The following CCNL2 variants were observed in gnomAD, a reference collection of about 807,000 sequenced individuals.
The protein encoded by CCNL2 is cyclin L2.
Under a neutral mutation model 59.1 loss-of-function variants are expected in CCNL2, and 28 were observed. The observed-to-expected ratio is 0.47, with a 90% CI of 0.35 to 0.65. The LOEUF is 0.65. CCNL2 is among the 30% of genes least tolerant of loss of function. CCNL2 has a pLI of 0.00. For synonymous variants in CCNL2, 342 were observed against 288.6 expected, an observed-to-expected ratio of 1.19 and a Z score of -1.88; for missense variants, 714 against 717.4, an observed-to-expected ratio of 1.00 and a Z score of 0.05.
At chr1:1,388,618 C>G in intron 8 of CCNL2, 1 of 413,784 alleles carries the variant, frequency 2.4e-6, no homozygotes, top group Non-Finnish European at 4.8e-6. Context: ...CACTCACACA[C>G]AAATTACCTG....
chr1:1,397,763 G>A (rs1319780419), intron 3 of CCNL2, among the ~76,000 whole-genome samples: 1 of 152,174 alleles, frequency 6.6e-6, no homozygotes, highest in Non-Finnish European at 1.5e-5. Flanking sequence ...TACTCAGGAG[G>A]CTGAGGCAGG....
rs200276576 is a variant in CCNL2 at position 1,387,374 on chromosome 1, G to A, written c.1420C>T (p.Arg474Trp). The change falls in exon 11 of 11, where the codon CGG (arginine) becomes TGG (tryptophan). Residue 474 changes from arginine (R) to tryptophan (W), a missense_variant. Arg to Trp is a moderately radical substitution (Grantham distance 101). Transcript: ENST00000400809. ...TTTCCCGGATTATCCGCCCGCTCCC[G>A]TGACCTGCTTCGAGAACGGGAAGAA... ...RSSSRSRSRS[R>W]ERADNPGKYK... 83 of 1,614,060 alleles carry A rather than the reference G, an allele frequency of 5.1e-5. No individual in the cohort carries two copies. The highest frequency in any genetic ancestry group is 3.3e-4 in the Middle Eastern group (2 of 6,082).
At position 1,398,395 on chromosome 1, in the gene CCNL2, T is replaced by G. The variant is rs1570028110; in HGVS notation, c.364-53A>C. On this transcript the variant is annotated intron_variant, in intron 2 of 10. Transcript: ENST00000400809. Reference sequence around the variant, plus strand: ...ATGTTTGTCCCCAGCCACGGCGTCCTGACGGCCGCCAAAGGCTTGAGGGCT... The same window carrying G: ...ATGTTTGTCCCCAGCCACGGCGTCCGGACGGCCGCCAAAGGCTTGAGGGCT... The G allele has an allele frequency of 2.5e-6, 4 of 1,611,666 alleles. No individual in the cohort carries two copies. The South Asian group carries it at 4.4e-5, about 18-fold the overall frequency.
intron 10 of CCNL2, 65 bp from the exon 11 acceptor site, chr1:1,387,647 C>A: frequency 7.1e-7 from 1 of 1,410,748 alleles, no homozygotes; most frequent in Non-Finnish European, 9.6e-7. Flanking sequence ...CACACACCCA[C>A]AGGAGCTCAG....
intron 5 of CCNL2, chr1:1,392,314 A>C (rs1294467392): frequency 1.2e-5 from 12 of 984,208 alleles, no homozygotes; most frequent in Non-Finnish European, 1.5e-5. Flanking sequence ...CTGTATTTGA[A>C]GTGATACAAT....
intron 4 of CCNL2, among the ~76,000 whole-genome samples, chr1:1,393,925 G>C (rs1158623375): frequency 6.6e-6 from 1 of 152,158 alleles, no homozygotes; most frequent in Non-Finnish European, 1.5e-5. Context: ...TCAGGAGTTC[G>C]AGAACAGCCT....
chr1:1,388,129 G>A lies in CCNL2; in HGVS notation c.1007-64C>T, dbSNP rs1258381482. The A allele has an allele frequency of 5.9e-6, 8 of 1,367,040 alleles. 1 individual carries two copies. Among genetic ancestry groups the A allele is most frequent in the South Asian group, 5.8e-5 (5 of 85,676 alleles). The allele number at this position is 1,367,040 out of a possible 1,614,324, so 84.7% of individuals were successfully genotyped here. Reference sequence around the variant, plus strand: ...CACTCTCCCAATAAGAAACAAGTTCGTAGAGCGAGATAAGGCCCCTCTACA... The same window carrying A: ...CACTCTCCCAATAAGAAACAAGTTCATAGAGCGAGATAAGGCCCCTCTACA... On this transcript the variant is annotated intron_variant, in intron 8 of 10. Transcript: ENST00000400809.
chr1:1,392,928 C>T, intron 5 of CCNL2: 1 of 950,522 alleles, frequency 1.1e-6, no homozygotes, highest in Non-Finnish European at 1.6e-6. Flanking sequence ...GGAAAAAATT[C>T]ACCAGAATCC....
rs752552006 is a variant in CCNL2, at chr1:1,390,894, A to C, written c.660-29T>G. The stretch of plus-strand genomic sequence containing the variant: ...GAAGCCAAACACAGGAAGAACTGCA[A>C]TGCCCCACCCGGGAACCCAGGTCTT... On this transcript the variant is annotated intron_variant, in intron 5 of 10. Transcript: ENST00000400809. The C allele has an allele frequency of 3.8e-6, 6 of 1,580,214 alleles. No homozygotes were observed. In the Admixed American group the frequency reaches 8.3e-5, roughly 22 times the overall value.
chr1:1,387,923 G>A, intron 9 of CCNL2, 31 bp downstream of exon 9: 1 of 1,613,308 alleles, frequency 6.2e-7, no homozygotes, highest in Non-Finnish European at 8.5e-7. Context: ...AGCCAACCCT[G>A]ACAGCCACCT....
At position 1,399,273 on chromosome 1, in the gene CCNL2, C is replaced by G. The variant is rs530061879; in HGVS notation, c.34G>C (p.Gly12Arg). The change falls in exon 1 of 11, where the codon GGG becomes CGG. Residue 12 changes from glycine (G) to arginine (R), a missense_variant. By Grantham distance (125) the Gly-to-Arg change is moderately radical. Transcript: ENST00000400809. ...AAAAAAAGAA[G>R]SAAPAAAAGA... The stretch of plus-strand genomic sequence containing the variant: ...GCCGCTGCCGCGGGAGCTGCCGACC[C>G]TGCAGCACCAGCCGCCGCCGCCGCC... The G allele has an allele frequency of 7.2e-6, 11 of 1,525,308 alleles. No homozygotes were observed. Among genetic ancestry groups the G allele is most frequent in the East Asian group, 2.6e-5 (1 of 38,572 alleles). The allele number at this position is 1,525,308 out of a possible 1,614,324, so 94.5% of individuals were successfully genotyped here. A position where few individuals can be genotyped will look rare whatever the true frequency, so the allele number is the denominator to read the frequency against.
intron 6 of CCNL2, 25 bp from the exon 7 acceptor site, chr1:1,390,588 T>C: frequency 6.3e-7 from 1 of 1,581,852 alleles, no homozygotes; most frequent in Non-Finnish European, 8.7e-7. Flanking sequence ...ACTATCATCA[T>C]TACACTTTCC....
chr1:1,394,393 G>A (rs1034807626), intron 4 of CCNL2, among the ~76,000 whole-genome samples: 5 of 152,114 alleles, frequency 3.3e-5, no homozygotes, highest in Admixed American at 6.5e-5. Flanking sequence ...GACTAAAGGG[G>A]CCAGAATTCC....
Position 1,399,131 on chromosome 1 carries a change from A to T in CCNL2, c.176T>A (p.Leu59His). 1 of 1,611,888 alleles carries T rather than the reference A, an allele frequency of 6.2e-7. No homozygotes were observed. Among genetic ancestry groups the T allele is most frequent in the Non-Finnish European group, 8.5e-7 (1 of 1,179,390 alleles). ...LENCLLPDDK[L>H]RFTPSMSSGL... Reference sequence around the variant, plus strand: ...GCTCGACATGGACGGCGTGAAACGGAGCTTGTCGTCAGGCAGGAGGCAGTT... The same window carrying T: ...GCTCGACATGGACGGCGTGAAACGGTGCTTGTCGTCAGGCAGGAGGCAGTT... Residue 59 changes from leucine (L) to histidine (H), a missense_variant, in exon 1 of 11, where the codon CTC (leucine) becomes CAC (histidine). Physicochemically the swap from Leu to His is moderately conservative, Grantham distance 99 (BLOSUM62 -3). This residue lies in a region of CCNL2 where 270 missense variants were observed against 254.9 expected (regional missense o/e 1.06). Transcript: ENST00000400809.
intron 4 of CCNL2, among the ~76,000 whole-genome samples, chr1:1,393,710 G>A (rs181940146): frequency 3.3e-5 from 5 of 152,348 alleles, no homozygotes; most frequent in Admixed American, 1.3e-4. Flanking sequence ...GTTCTTCATG[G>A]GGCTGGTTTC....
chr1:1,398,531 C>T, intron 2 of CCNL2, 66 bp downstream of exon 2: 1 of 1,586,236 alleles, frequency 6.3e-7, no homozygotes, highest in Non-Finnish European at 8.6e-7. Context: ...AGTAACCGGG[C>T]AAAGTAACAA....
chr1:1,388,114 A>G (rs371077547), intron 8 of CCNL2, 49 bp from the exon 9 acceptor site: 18 of 1,459,646 alleles, frequency 1.2e-5, no homozygotes, highest in Non-Finnish European at 1.4e-5. Flanking sequence ...CACTCTCCCA[A>G]TAAGAAACAA....
intron 5 of CCNL2, chr1:1,392,251 G>A (rs1245295976): frequency 2.6e-5 from 22 of 861,032 alleles, no homozygotes; most frequent in African/African-American, 7.3e-5. Flanking sequence ...ATTAATCCAC[G>A]AACTTAAAAT....
intron 3 of CCNL2, among the ~76,000 whole-genome samples, chr1:1,397,567 C>G (rs1645109386): frequency 6.6e-6 from 1 of 152,180 alleles, no homozygotes; most frequent in Admixed American, 6.5e-5. Context: ...TCCCCTACAA[C>G]TAAAGATTAC....
Sources: allele counts gnomAD v4.1 joint callset (sites outside exome capture counted in the v4.1 genomes callset), GRCh38; gene constraint gnomAD v4.1.1; regional missense constraint gnomAD v4.1.1; transcripts MANE v1.5; gene names NCBI Gene and HGNC (gene_info 2026-07-23, HGNC 2026-07-21).